The following CCND3 variants were observed in gnomAD, a reference collection of about 807,000 sequenced individuals.
CCND3 encodes the protein G1/S-specific cyclin-D3.
A neutral mutation model predicts 28.7 loss-of-function variants in CCND3; 9 were observed. That is an observed-to-expected ratio of 0.31 (90% CI 0.19 to 0.55). The LOEUF (loss-of-function observed/expected upper bound fraction) is 0.55. CCND3 is among the 20% of genes least tolerant of loss of function. The probability of loss-of-function intolerance (pLI) is 0.93; values close to 1 mark genes in which losing one functional copy is unlikely to be tolerated. For missense variants in CCND3, 315 were observed against 385.8 expected (o/e 0.82, Z 1.54); for synonymous variants, 164 against 163.9 (o/e 1.00, Z 0.00).
intron 1 of CCND3, among the ~76,000 whole-genome samples, chr6:41,986,123 T>A (rs36102271): frequency 0.26 from 39,351 of 151,942 alleles, 6,197 homozygotes; most frequent in Middle Eastern, 0.4. Flanking sequence ...CCCTATTCTG[T>A]TCCGTTGGTC....
chr6:42,040,111 GCACA>G (rs976191819), intron 1 of CCND3, among the ~76,000 whole-genome samples: 28 of 152,342 alleles, frequency 1.8e-4, no homozygotes, highest in Admixed American at 1.1e-3. Flanking sequence ...CGTGTGTGGT[GCACA>G]CAGTGTGCAT....
intron 1 of CCND3, among the ~76,000 whole-genome samples, chr6:41,974,098 G>A (rs139777424): frequency 5.3e-5 from 8 of 152,298 alleles, no homozygotes; most frequent in South Asian, 2.1e-4. Flanking sequence ...CAGGGGAATC[G>A]CTTGAACCCG....
intron 1 of CCND3, among the ~76,000 whole-genome samples, chr6:41,972,676 C>G (rs775974857): frequency 6.6e-6 from 1 of 151,950 alleles, no homozygotes; most frequent in African/African-American, 2.4e-5. Context: ...GATAGCCTCA[C>G]GCCTCCTTGT....
chr6:42,037,841 A>T (rs1764268249), intron 1 of CCND3, among the ~76,000 whole-genome samples: 1 of 151,704 alleles, frequency 6.6e-6, no homozygotes, highest in African/African-American at 2.4e-5. Context: ...GACTAGTCTG[A>T]CCAAAATGGT....
rs1763190032 is a variant in CCND3 at position 42,006,844 on chromosome 6, C to T, written c.-46+41657G>A. 1.3e-5 allele frequency among the ~76,000 whole-genome samples: 2 copies of T among 151,404 alleles called. 1 individual carries two copies. Among genetic ancestry groups the T allele is most frequent in the South Asian group, 4.2e-4 (2 of 4,792 alleles). On this transcript the variant is annotated intron_variant, in intron 1 of 4. Coordinates refer to the CCND3 transcript ENST00000372988. ...AATGGTGTGAACCCAGGGGGCAGAGCTTGCAGTGAGCCGAGATCGCTCCAC... is the reference window on the plus strand; with the variant it reads ...AATGGTGTGAACCCAGGGGGCAGAGTTTGCAGTGAGCCGAGATCGCTCCAC...
At chr6:42,011,807 C>T (rs1036123053) in intron 1 of CCND3, among the ~76,000 whole-genome samples, 2 of 152,214 alleles carry the variant, frequency 1.3e-5, no homozygotes, top group African/African-American at 2.4e-5. Flanking sequence ...AAGAGGCCAC[C>T]GACGACAGCG....
intron 1 of CCND3, among the ~76,000 whole-genome samples, chr6:42,003,120 C>A (rs1214318077): frequency 7.0e-6 from 1 of 143,000 alleles, no homozygotes; most frequent in East Asian, 2.0e-4. Context: ...CAAGATCGTG[C>A]CACTGCACTC....
chr6:41,941,830 G>A (rs766786772), upstream of CCND3: 2 of 288,988 alleles, frequency 6.9e-6, no homozygotes, highest in Non-Finnish European at 1.3e-5. The surrounding 1 kb of genome is among the most constrained non-coding windows in gnomAD (Gnocchi z 6.1). Flanking sequence ...CCCTCGCGAC[G>A]ATGTAGCAAC....
At chr6:41,988,214 G>T (rs1183434337) in intron 1 of CCND3, among the ~76,000 whole-genome samples, 1 of 152,052 alleles carries the variant, frequency 6.6e-6, no homozygotes, top group East Asian at 1.9e-4. Context: ...GCTGAGGCAG[G>T]ATAATTGCTT....
At chr6:41,937,577 G>A in intron 2 of CCND3, 183 bp from the exon 3 acceptor site, 1 of 640,968 alleles carries the variant, frequency 1.6e-6, no homozygotes, top group Non-Finnish European at 2.7e-6. Context: ...GAGGAGGCAT[G>A]TGCTTTGAGC....
chr6:42,036,278 C>A (rs921361780), intron 1 of CCND3, among the ~76,000 whole-genome samples: 5 of 142,296 alleles, frequency 3.5e-5, no homozygotes, highest in Admixed American at 2.2e-4. Flanking sequence ...CAGGTGTGAG[C>A]CACCATGCCT....
intron 1 of CCND3, among the ~76,000 whole-genome samples, chr6:42,011,662 C>T (rs2127427957): frequency 6.6e-6 from 1 of 152,246 alleles, no homozygotes; most frequent in South Asian, 2.1e-4. Flanking sequence ...ATCCTCCTAC[C>T]TCTCCACCAC....
intron 1 of CCND3, among the ~76,000 whole-genome samples, chr6:41,960,820 C>T (rs1039080413): frequency 2.0e-5 from 3 of 152,182 alleles, no homozygotes; most frequent in Admixed American, 6.5e-5. Flanking sequence ...CTGGCCTCAA[C>T]GTCCAAGCAA....
At chr6:41,992,066 T>C (rs1762663181) in intron 1 of CCND3, among the ~76,000 whole-genome samples, 1 of 152,226 alleles carries the variant, frequency 6.6e-6, no homozygotes, top group Non-Finnish European at 1.5e-5. Flanking sequence ...GAGGTGTGGA[T>C]GTCTCGTCAA....
chr6:41,993,559 C>A (rs1046036287), intron 1 of CCND3, among the ~76,000 whole-genome samples: 41 of 151,918 alleles, frequency 2.7e-4, no homozygotes, highest in African/African-American at 9.7e-4. Context: ...TACAGGCATG[C>A]GCCACCATCC....
intron 1 of CCND3, among the ~76,000 whole-genome samples, chr6:42,010,082 T>C (rs897470694): frequency 6.6e-6 from 1 of 152,146 alleles, no homozygotes; most frequent in Non-Finnish European, 1.5e-5. Flanking sequence ...CCCATGTTCA[T>C]TCTCCTAGAG....
upstream of CCND3, among the ~76,000 whole-genome samples, chr6:41,943,800 A>T (rs539448889): frequency 6.6e-5 from 10 of 152,228 alleles, no homozygotes; most frequent in Non-Finnish European, 8.8e-5. Flanking sequence ...CTTATTAGTA[A>T]TAATAAATCT....
At chr6:41,949,963 T>C (rs1582098441) in intron 1 of CCND3, among the ~76,000 whole-genome samples, 1 of 145,214 alleles carries the variant, frequency 6.9e-6, no homozygotes, top group South Asian at 2.2e-4. Context: ...AATAGCCAGG[T>C]GTGGTGGCGG....
In CCND3 at chr6:41,940,454, G is replaced by T. The variant is rs141634113; in HGVS notation, c.330C>A (p.Ala110=). 5 of 1,614,028 alleles carry T rather than the reference G, an allele frequency of 3.1e-6. No individual in the cohort carries two copies. The highest frequency in any genetic ancestry group is 4.2e-6 in the Non-Finnish European group (5 of 1,180,036). ...GGGGCGTGGTCTCGCGCAGCTTGGA[G>T]GCCAGCAGCATGCAGACCGCACCCA... The part of the protein sequence containing the change: ...QLLGAVCMLL[A]SKLRETTPLT... Residue 110 remains alanine (A), a synonymous_variant, in exon 2 of 5, where the codon GCC becomes GCA. Coordinates refer to ENST00000372991, the MANE Select transcript of CCND3 (RefSeq NM_001760.5).
Sources: allele counts gnomAD v4.1 joint callset (sites outside exome capture counted in the v4.1 genomes callset), GRCh38; gene constraint gnomAD v4.1.1; non-coding constraint Gnocchi (gnomAD v3.1); transcripts MANE v1.5; gene names NCBI Gene and HGNC (gene_info 2026-07-23, HGNC 2026-07-21).